The following SLC9C1 variants were observed in gnomAD, a reference collection of about 807,000 sequenced individuals.
SLC9C1 encodes the protein solute carrier family 9 member C1.
A neutral mutation model predicts 140.9 loss-of-function variants in SLC9C1; 97 were observed. That is an observed-to-expected ratio of 0.69 (90% CI 0.58 to 0.82). The LOEUF is 0.82. Among genes scored for constraint, SLC9C1 ranks in the 40% least tolerant of loss-of-function variants. SLC9C1 has a pLI of 0.00. For synonymous variants in SLC9C1, 440 were observed against 442.6 expected (o/e 0.99, Z 0.07); for missense variants, 1,340 against 1,389.3 (o/e 0.96, Z 0.56).
chr3:112,226,915 G>GA (rs1278503716), intron 13 of SLC9C1, among the ~76,000 whole-genome samples: 1 of 151,682 alleles, frequency 6.6e-6, no homozygotes, highest in African/African-American at 2.4e-5. Context: ...TTTTAAATAA[G>GA]AAAAAATTAA....
Position 112,238,869 on chromosome 3 carries a change from TG to T in SLC9C1, c.1446+970del, listed in dbSNP as rs574667132. Among the ~76,000 whole-genome samples, 293 of 152,278 alleles carry T rather than the reference TG, an allele frequency of 1.9e-3. 1 individual carries two copies. In the East Asian group the frequency reaches 0.033, roughly 17 times the overall value. ...ATGTGAGGGGTCAGTCTGCCCCTAC[TG>T]GGGGGTGCCTCCCGGTTAGGCTATT... On this transcript the variant is annotated intron_variant, in intron 12 of 28. Transcript: ENST00000305815.
intron 10 of SLC9C1, among the ~76,000 whole-genome samples, chr3:112,253,424 C>G (rs900463513): frequency 1.3e-5 from 2 of 152,132 alleles, no homozygotes; most frequent in South Asian, 2.1e-4. Context: ...GTAGGGGAGC[C>G]ATGTGACCAA....
At position 112,185,579 on chromosome 3, in the gene SLC9C1, C is replaced by T. The variant is rs556983773; in HGVS notation, c.2524-3321G>A. ...GCACACACACTGTGGGCACCTGTGC[C>T]CGGGGTCCCAGGGCTCGCCCGAAGC... On this transcript the variant is annotated intron_variant, in intron 20 of 28. Transcript: ENST00000305815. The T allele has an allele frequency of 9.4e-5, 152 of 1,610,470 alleles. 1 individual carries two copies. The East Asian group carries it at 3.4e-3, about 36-fold the overall frequency.
intron 16 of SLC9C1, among the ~76,000 whole-genome samples, chr3:112,204,623 AG>A (rs1193559562): frequency 2.0e-5 from 3 of 152,098 alleles, no homozygotes; most frequent in Non-Finnish European, 4.4e-5. Context: ...TTTAAAGGAC[AG>A]GTATAATGAA....
At chr3:112,219,464 A>C (rs1255665201) in intron 14 of SLC9C1, among the ~76,000 whole-genome samples, 1 of 152,242 alleles carries the variant, frequency 6.6e-6, no homozygotes, top group Non-Finnish European at 1.5e-5. Context: ...TGCATGCATA[A>C]AAAATGTAAT....
chr3:112,183,622 T>A (rs2077483195), intron 20 of SLC9C1, among the ~76,000 whole-genome samples: 1 of 146,148 alleles, frequency 6.8e-6, no homozygotes, highest in Non-Finnish European at 1.5e-5. Flanking sequence ...AGAAAGGGGC[T>A]TAGAGACAAA....
rs201631333 is a variant in SLC9C1 at position 112,180,602 on chromosome 3, G to T, written c.2710C>A (p.Pro904Thr). ...GAAATAATGATATAGATTCCTTTGG[G>T]CTCATCACCTTCTTCAAATATATCA... is the stretch of plus-strand genomic sequence containing the variant. ...GNDIFEEGDEPKGIYIIISGM... is the reference protein window; with the variant it reads ...GNDIFEEGDETKGIYIIISGM... The change falls in exon 22 of 29, where the codon CCC (proline) becomes ACC (threonine). Residue 904 changes from proline (P) to threonine (T), a missense_variant. By Grantham distance (38) the Pro-to-Thr change is conservative. Coordinates refer to ENST00000305815, the MANE Select transcript of SLC9C1 (RefSeq NM_183061.3). The T allele has an allele frequency of 1.2e-6, 2 of 1,613,182 alleles. No individual in the cohort carries two copies. The highest frequency in any genetic ancestry group is 2.2e-5 in the South Asian group (2 of 90,816).
At chr3:112,178,782 G>A (rs2077386594) in intron 23 of SLC9C1, among the ~76,000 whole-genome samples, 1 of 152,134 alleles carries the variant, frequency 6.6e-6, no homozygotes. Context: ...ACCAACTGAA[G>A]GTTGTTTCCT....
At chr3:112,216,296 G>T (rs1165764271) in intron 15 of SLC9C1, among the ~76,000 whole-genome samples, 1 of 152,128 alleles carries the variant, frequency 6.6e-6, no homozygotes, top group Non-Finnish European at 1.5e-5. Flanking sequence ...ATAGGCATGG[G>T]CAAGGACTTC....
At chr3:112,263,605 C>A (rs1490203556) in intron 9 of SLC9C1, among the ~76,000 whole-genome samples, 3 of 151,516 alleles carry the variant, frequency 2.0e-5, no homozygotes, top group African/African-American at 4.8e-5. Context: ...TTACTTGGCA[C>A]TAGATGCCTT....
intron 28 of SLC9C1, among the ~76,000 whole-genome samples, chr3:112,142,419 A>G (rs1373616825): frequency 3.9e-5 from 6 of 152,198 alleles, no homozygotes; most frequent in Admixed American, 3.9e-4. Context: ...ACATTAGTCC[A>G]AAGTAAAGAT....
chr3:112,273,579 G>C (rs55792066), intron 6 of SLC9C1, among the ~76,000 whole-genome samples: 1 of 152,020 alleles, frequency 6.6e-6, no homozygotes, highest in Non-Finnish European at 1.5e-5. Flanking sequence ...AGGGGGTGGT[G>C]GTCCTCAGGA....
chr3:112,199,813 G>T (rs1370052093), intron 19 of SLC9C1, among the ~76,000 whole-genome samples: 1 of 151,966 alleles, frequency 6.6e-6, no homozygotes, highest in South Asian at 2.1e-4. Context: ...TTCTTATTCT[G>T]TGTGAATCAG....
At chr3:112,221,099 T>C (rs145010963) in intron 14 of SLC9C1, 29 bp downstream of exon 14, 175 of 1,583,154 alleles carry the variant, frequency 1.1e-4, no homozygotes, top group Non-Finnish European at 1.4e-4. Flanking sequence ...TGGCTTAGAA[T>C]AGAAGCCATC....
At chr3:112,270,265 G>A (rs1422395424) in intron 6 of SLC9C1, among the ~76,000 whole-genome samples, 188 bp from the exon 7 acceptor site, 1 of 152,128 alleles carries the variant, frequency 6.6e-6, no homozygotes, top group African/African-American at 2.4e-5. Context: ...CCAGAAGTAG[G>A]ATTACTGGAC....
intron 13 of SLC9C1, among the ~76,000 whole-genome samples, chr3:112,228,741 A>T (rs894342312): frequency 1.3e-5 from 2 of 152,144 alleles, no homozygotes; most frequent in African/African-American, 4.8e-5. Flanking sequence ...ATCTGAATAG[A>T]CATTTCTCAA....
At position 112,199,897 on chromosome 3, in the gene SLC9C1, G is replaced by A. The variant is rs145990851; in HGVS notation, c.2375-428C>T. 1.3e-4 allele frequency among the ~76,000 whole-genome samples: 19 copies of A among 151,874 alleles called. No individual in the cohort carries two copies. The East Asian group carries it at 3.3e-3, about 26-fold the overall frequency. ...TTCCTTTCACTCGTCTTAGGTCATCGTCCACTCAACCTGCCAGTGCATCTA... is the reference window on the plus strand; with the variant it reads ...TTCCTTTCACTCGTCTTAGGTCATCATCCACTCAACCTGCCAGTGCATCTA... On this transcript the variant is annotated intron_variant, in intron 19 of 28. Coordinates refer to ENST00000305815, the MANE Select transcript of SLC9C1 (RefSeq NM_183061.3).
At chr3:112,268,894 T>C (rs1354738127) in intron 7 of SLC9C1, among the ~76,000 whole-genome samples, 1 of 152,180 alleles carries the variant, frequency 6.6e-6, no homozygotes, top group Admixed American at 6.5e-5. Flanking sequence ...TCTGAAGAGC[T>C]GAGTTAAATG....
intron 10 of SLC9C1, among the ~76,000 whole-genome samples, chr3:112,249,797 T>C (rs2108252800): frequency 6.6e-6 from 1 of 152,314 alleles, no homozygotes; most frequent in Middle Eastern, 3.4e-3. Context: ...CTCTAAGTCA[T>C]TTCTGATTGT....
Sources: allele counts gnomAD v4.1 joint callset (sites outside exome capture counted in the v4.1 genomes callset), GRCh38; gene constraint gnomAD v4.1.1; transcripts MANE v1.5; gene names NCBI Gene and HGNC (gene_info 2026-07-23, HGNC 2026-07-21).